The following MPND variants were observed in gnomAD, a reference collection of about 807,000 sequenced individuals.
The protein encoded by MPND is MPN domain-containing protein.
Under a neutral mutation model 59.2 loss-of-function variants are expected in MPND, and 56 were observed. The ratio of observed to expected loss-of-function variants is 0.95; its 90% CI spans 0.76 to 1.18. MPND has a LOEUF of 1.18. Among genes scored for constraint, MPND ranks in the 50% most tolerant of loss-of-function variants. The probability of loss-of-function intolerance (pLI) is 0.00; values close to 1 mark genes in which losing one functional copy is unlikely to be tolerated. For synonymous variants in MPND, 323 were observed against 291.9 expected (o/e 1.11, Z -1.09); for missense variants, 671 against 676.0 (o/e 0.99, Z 0.08).
chr19:4,345,652 T>A lies in MPND; in HGVS notation c.295-93T>A, dbSNP rs939397407. 12 of 1,189,914 alleles carry A rather than the reference T, an allele frequency of 1.0e-5. No homozygotes were observed. In the Admixed American group the frequency reaches 2.5e-4, roughly 24 times the overall value. The allele number at this position is 1,189,914 out of a possible 1,614,324, so 73.7% of individuals were successfully genotyped here. A position where few individuals can be genotyped will look rare whatever the true frequency, so the allele number is the denominator to read the frequency against. ...TGTTCCTGGAAGCCCTGTAAAGACA[T>A]GCCTGAGGGAGCGTAGGTCTGGGGA... On this transcript the variant is annotated intron_variant, in intron 2 of 12. Transcript: ENST00000599840.
chr19:4,349,862 C>T (rs1295892288), intron 3 of MPND, among the ~76,000 whole-genome samples: 2 of 152,198 alleles, frequency 1.3e-5, no homozygotes, highest in African/African-American at 4.8e-5. Flanking sequence ...ATATGAATCA[C>T]ATGTAACAAA....
intron 12 of MPND, 118 bp downstream of exon 12, chr19:4,359,373 G>C: frequency 1.4e-6 from 1 of 700,518 alleles, no homozygotes. Context: ...AGCCCAGCTG[G>C]CAGACTGGTG....
chr19:4,358,006 G>A (rs1164889289), intron 10 of MPND, 77 bp from the exon 11 acceptor site: 7 of 1,235,468 alleles, frequency 5.7e-6, no homozygotes, highest in South Asian at 1.3e-5. Context: ...TTCCCAGCCC[G>A]GGCACTGCCA....
chr19:4,359,477 G>A (rs571862952), intron 12 of MPND, among the ~76,000 whole-genome samples: 5 of 152,260 alleles, frequency 3.3e-5, no homozygotes, highest in Admixed American at 2.6e-4. Context: ...ATGAGGTCCT[G>A]GCAGCGGGTT....
At position 4,354,328 on chromosome 19, in the gene MPND, C is replaced by T; in HGVS notation, c.754C>T (p.Pro252Ser). The T allele has an allele frequency of 7.7e-6, 12 of 1,557,224 alleles. No individual in the cohort carries two copies. Among genetic ancestry groups the T allele is most frequent in the Non-Finnish European group, 1.0e-5 (12 of 1,149,494 alleles). Residue 252 changes from proline (P) to serine (S), a missense_variant, in exon 6 of 13, where the codon CCC (proline) becomes TCC (serine). Transcript: ENST00000599840. ...CGACCCTCCTGGCCCCTACAGGAAC[C>T]CCCACACCCTGGTGGAAGTAACATC... Reference protein sequence around the residue: ...MLGSRDLARNPHTLVEVTSFA... With the variant: ...MLGSRDLARNSHTLVEVTSFA...
At chr19:4,354,541 T>A (rs539534713) in intron 6 of MPND, 121 bp downstream of exon 6, 4 of 793,826 alleles carry the variant, frequency 5.0e-6, no homozygotes, top group African/African-American at 3.4e-5. Flanking sequence ...TGTTTGCTAC[T>A]GGTACACTGT....
Position 4,357,320 on chromosome 19 carries a change from C to T in MPND, c.1064C>T (p.Pro355Leu), listed in dbSNP as rs746407664. 2.8e-5 allele frequency: 45 copies of T among 1,613,118 alleles called. No homozygotes were observed. The highest frequency in any genetic ancestry group is 1.6e-4 in the East Asian group (7 of 44,894). The change falls in exon 9 of 13, where the codon CCG becomes CTG. Residue 355 changes from proline to leucine, a missense_variant. Pro to Leu is a moderately conservative substitution (Grantham distance 98). Coordinates refer to ENST00000599840, the MANE Select transcript of MPND (RefSeq NM_001300862.2). The stretch of plus-strand genomic sequence containing the variant: ...TGGTACCACAGCCACCCACACAGCC[C>T]GGCGCTGCCATCTCTGCAGGACATC... ...VGWYHSHPHS[P>L]ALPSLQDIDA...
At chr19:4,351,555 C>T (rs1037768007) in intron 3 of MPND, among the ~76,000 whole-genome samples, 1 of 152,036 alleles carries the variant, frequency 6.6e-6, no homozygotes, top group East Asian at 1.9e-4. Context: ...TCATTGTGCC[C>T]TTTTACAGAT....
rs1457710878 is a variant in MPND, at chr19:4,343,787, C to G, written c.87C>G (p.Asp29Glu). 9 of 1,210,286 alleles carry G rather than the reference C, an allele frequency of 7.4e-6. No homozygotes were observed. Among genetic ancestry groups the G allele is most frequent in the Non-Finnish European group, 9.2e-6 (9 of 973,914 alleles). 75.0% of individuals were successfully genotyped at this position (1,210,286 alleles called of 1,614,324 possible). Reference protein sequence around the residue: ...EEDEDEAEAEDPERPNAGAGG... With the variant: ...EEDEDEAEAEEPERPNAGAGG... ...ACGAGGACGAAGCGGAGGCCGAGGA[C>G]CCTGAGCGGCCGAATGCGGGAGCGG... is the stretch of plus-strand genomic sequence containing the variant. Residue 29 changes from aspartate (D) to glutamate (E), a missense_variant, in exon 2 of 13, where the codon GAC becomes GAG. Coordinates refer to ENST00000599840, the MANE Select transcript of MPND (RefSeq NM_001300862.2).
chr19:4,358,908 G>A (rs898886733), intron 11 of MPND, among the ~76,000 whole-genome samples: 2 of 152,162 alleles, frequency 1.3e-5, no homozygotes, highest in Non-Finnish European at 2.9e-5. Context: ...GGAGAACTGG[G>A]CTCGGTGAGT....
At position 4,358,196 on chromosome 19, in the gene MPND, G is replaced by A. The variant is rs184369689; in HGVS notation, c.1326+24G>A. The A allele has an allele frequency of 9.2e-5, 142 of 1,538,000 alleles. No individual in the cohort carries two copies. In the Admixed American group the frequency reaches 1.3e-3, roughly 14 times the overall value. On this transcript the variant is annotated intron_variant, in intron 11 of 12. Transcript: ENST00000599840. ...TGGTGAGCTCGCTGCGGGGCGGGCA[G>A]GCAGGGGCTGGCAGTGCGCAGCTGG... is the stretch of plus-strand genomic sequence containing the variant.
chr19:4,344,046 C>A (rs989370505), intron 2 of MPND, 52 bp downstream of exon 2: 2 of 1,224,008 alleles, frequency 1.6e-6, no homozygotes, highest in Admixed American at 8.4e-5. Context: ...GAAGGGGAAA[C>A]TGAGGCCTGG....
At chr19:4,352,851 C>T in intron 3 of MPND, 46 bp from the exon 4 acceptor site, 2 of 1,313,592 alleles carry the variant, frequency 1.5e-6, no homozygotes, top group Non-Finnish European at 2.0e-6. Context: ...CGGGGGGGCA[C>T]CCAGCTGAGG....
At position 4,348,368 on chromosome 19, in the gene MPND, C is replaced by G. The variant is rs921603210; in HGVS notation, c.531+2387C>G. 9.8e-5 allele frequency: 14 copies of G among 142,824 alleles called. No homozygotes were observed. The Admixed American group carries it at 1.1e-3, about 11-fold the overall frequency. 8.8% of individuals were successfully genotyped at this position (142,824 alleles called of 1,614,324 possible). A position where few individuals can be genotyped will look rare whatever the true frequency, so the allele number is the denominator to read the frequency against. ...CTCTGCCTCCCAGGTTCAAGCGATT[C>G]TCCTGCCTGAGCCTCTTGAGTAGCT... On this transcript the variant is annotated intron_variant, in intron 3 of 12. Coordinates refer to ENST00000599840, the MANE Select transcript of MPND (RefSeq NM_001300862.2).
At chr19:4,347,230 T>C (rs1340452181) in intron 3 of MPND, 1 of 150,214 alleles carries the variant, frequency 6.7e-6, no homozygotes, top group South Asian at 2.1e-4. Flanking sequence ...TCCTTTCTTC[T>C]TTTCGTAGAT....
chr19:4,351,242 T>A (rs1972309135), intron 3 of MPND, among the ~76,000 whole-genome samples: 1 of 152,154 alleles, frequency 6.6e-6, no homozygotes, highest in South Asian at 2.1e-4. Context: ...TAGCTGGGAT[T>A]GCAGGTGTTC....
At chr19:4,355,875 G>A (rs905223235) in intron 8 of MPND, among the ~76,000 whole-genome samples, 2 of 138,694 alleles carry the variant, frequency 1.4e-5, no homozygotes, top group Non-Finnish European at 3.1e-5. Flanking sequence ...TTTTTTTCTT[G>A]AGACATTCTC....
rs961594396 is a variant in MPND, at chr19:4,343,593, C to A, written c.-1C>A. The A allele has an allele frequency of 1.6e-6, 2 of 1,217,938 alleles. No homozygotes were observed. The highest frequency in any genetic ancestry group is 2.0e-6 in the Non-Finnish European group (2 of 978,708). 75.4% of individuals were successfully genotyped at this position (1,217,938 alleles called of 1,614,324 possible). A position where few individuals can be genotyped will look rare whatever the true frequency, so the allele number is the denominator to read the frequency against. On this transcript the variant is annotated 5_prime_UTR_variant, in exon 1 of 13. Coordinates refer to ENST00000599840, the MANE Select transcript of MPND (RefSeq NM_001300862.2). ...AGCTCCGGGCGCGGGGAGGCGCGGC[C>A]ATGGCAGGTACGGCGGGCCCAGCGG...
At position 4,343,773 on chromosome 19, in the gene MPND, G is replaced by T; in HGVS notation, c.73G>T (p.Ala25Ser). The T allele has an allele frequency of 8.3e-7, 1 of 1,209,454 alleles. No individual in the cohort carries two copies. The allele number at this position is 1,209,454 out of a possible 1,614,324, so 74.9% of individuals were successfully genotyped here. A position where few individuals can be genotyped will look rare whatever the true frequency, so the allele number is the denominator to read the frequency against. ...EEAPEEDEDE[A>S]EAEDPERPNA... Reference sequence around the variant, plus strand: ...GGCGCCGGAGGAGGACGAGGACGAAGCGGAGGCCGAGGACCCTGAGCGGCC... The same window carrying T: ...GGCGCCGGAGGAGGACGAGGACGAATCGGAGGCCGAGGACCCTGAGCGGCC... The change falls in exon 2 of 13, where the codon GCG (alanine) becomes TCG (serine). Residue 25 changes from alanine (A) to serine (S), a missense_variant. Ala to Ser is a moderately conservative substitution (Grantham distance 99, BLOSUM62 1). Transcript: ENST00000599840.
Sources: gnomAD v4.1 joint callset for allele counts (sites outside exome capture counted in the v4.1 genomes callset) on GRCh38, gnomAD v4.1.1 for gene constraint, MANE v1.5 for transcripts, NCBI Gene and HGNC (gene_info 2026-07-23, HGNC 2026-07-21) for gene names.